The following RPA1 variants were observed in gnomAD, a reference collection of about 807,000 sequenced individuals.
RPA1 encodes the protein replication protein A 70 kDa DNA-binding subunit.
Under a neutral mutation model 83.0 loss-of-function variants are expected in RPA1, and 49 were observed. The ratio of observed to expected loss-of-function variants is 0.59; its 90% confidence interval spans 0.47 to 0.75. The LOEUF is 0.75. Ranked by LOEUF, RPA1 falls within the 30% of genes least tolerant of loss-of-function variation. The pLI is 0.00. For synonymous variants in RPA1, 279 were observed against 281.8 expected, an observed-to-expected ratio of 0.99 and a Z score of 0.10; for missense variants, 693 against 776.1, an observed-to-expected ratio of 0.89 and a Z score of 1.27.
At chr17:1,852,364 A>AT (rs1387137326) in intron 4 of RPA1, among the ~76,000 whole-genome samples, 1 of 152,340 alleles carries the variant, frequency 6.6e-6, no homozygotes, top group African/African-American at 2.4e-5. Flanking sequence ...TCAACTAGAG[A>AT]TTAAGGAAGT....
At chr17:1,875,889 C>T in intron 7 of RPA1, 96 bp downstream of exon 7, 1 of 1,129,912 alleles carries the variant, frequency 8.9e-7, no homozygotes, top group Non-Finnish European at 1.2e-6. Flanking sequence ...TTCAGGGTCA[C>T]CACCAAATAC....
intron 16 of RPA1, 132 bp downstream of exon 16, chr17:1,895,227 C>G (rs1914360414): frequency 3.3e-6 from 2 of 611,100 alleles, no homozygotes; most frequent in Middle Eastern, 4.4e-4. Context: ...TTGCCCAACA[C>G]AGGTGCTGTT....
intron 5 of RPA1, among the ~76,000 whole-genome samples, chr17:1,862,194 A>AT (rs57509401): frequency 0.028 from 2,558 of 92,794 alleles, 231 homozygotes; most frequent in African/African-American, 0.12. Context: ...CCCCAACCGT[A>AT]TTTTTTTTTT....
intron 1 of RPA1, among the ~76,000 whole-genome samples, chr17:1,838,550 C>T (rs1482410823): frequency 6.6e-6 from 1 of 150,752 alleles, no homozygotes; most frequent in East Asian, 2.0e-4. Flanking sequence ...TTGTGGTGAG[C>T]CAAGATCGCA....
chr17:1,889,061 A>G (rs1914107113), intron 14 of RPA1, among the ~76,000 whole-genome samples: 2 of 149,444 alleles, frequency 1.3e-5, no homozygotes, highest in South Asian at 4.3e-4. Flanking sequence ...CACGTCATAC[A>G]GCCATAGCGT....
At chr17:1,835,509 G>C (rs575473176) in intron 1 of RPA1, among the ~76,000 whole-genome samples, 109 of 151,964 alleles carry the variant, frequency 7.2e-4, no homozygotes, top group Non-Finnish European at 1.1e-3. Context: ...TTGGAGCATC[G>C]TCCCCATATA....
At position 1,895,032 on chromosome 17, in the gene RPA1, T is replaced by C. The variant is rs765679395; in HGVS notation, c.1683T>C (p.Val561=). The change falls in exon 16 of 17, where the codon GTT becomes GTC. Residue 561 remains valine (V), a synonymous_variant. Coordinates refer to ENST00000254719, the MANE Select transcript of RPA1 (RefSeq NM_002945.5). The part of the protein sequence containing the change: ...KDKNEQAFEE[V]FQNANFRSFI... ...AGAATGAACAGGCATTTGAAGAAGT[T>C]TTCCAGAATGCCAACTTCCGATCTT... 1.2e-6 allele frequency: 2 copies of C among 1,613,502 alleles called. No individual in the cohort carries two copies. Among genetic ancestry groups the C allele is most frequent in the Admixed American group, 3.3e-5 (2 of 59,974 alleles).
At chr17:1,859,938 G>A (rs1248339056) in intron 5 of RPA1, among the ~76,000 whole-genome samples, 15 of 152,012 alleles carry the variant, frequency 9.9e-5, no homozygotes, top group Non-Finnish European at 2.9e-5. Flanking sequence ...TCAGCCTCCT[G>A]AGTAGCTAGG....
chr17:1,834,917 A>G (rs1911756409), intron 1 of RPA1, among the ~76,000 whole-genome samples: 1 of 152,118 alleles, frequency 6.6e-6, no homozygotes, highest in South Asian at 2.1e-4. Context: ...GCTGGGGTGC[A>G]GAAGCACAAT....
chr17:1,897,073 C>T lies in RPA1; in HGVS notation c.1749C>T (p.Asp583=), dbSNP rs879302106. 21 of 1,567,296 alleles carry T rather than the reference C, an allele frequency of 1.3e-5. No homozygotes were observed. Among genetic ancestry groups the T allele is most frequent in the Admixed American group, 9.4e-5 (5 of 53,082 alleles). Residue 583 remains aspartate (D), a splice_region_variant and synonymous_variant, in exon 17 of 17, where the codon GAC becomes GAT. Coordinates refer to ENST00000254719, the MANE Select transcript of RPA1 (RefSeq NM_002945.5). ...RVRVKVETYN[D]ESRIKATVMD... is the part of the protein sequence containing the mutation. ...AAACTACTTCTCCCTTTTTGAAGGA[C>T]GAGTCTCGAATTAAGGCCACTGTGA...
At chr17:1,861,316 T>C (rs9894189) in intron 5 of RPA1, among the ~76,000 whole-genome samples, 95,004 of 151,942 alleles carry the variant, frequency 0.63, 30,152 homozygotes, top group Non-Finnish European at 0.69. Flanking sequence ...CTTGAGGCAC[T>C]GAGCTGGTGC....
chr17:1,878,221 T>C (rs1050889297), intron 8 of RPA1, among the ~76,000 whole-genome samples: 1 of 152,040 alleles, frequency 6.6e-6, no homozygotes, highest in African/African-American at 2.4e-5. Context: ...GGCGACAGAG[T>C]GAGACTCCAT....
At chr17:1,841,247 T>C (rs991137799) in intron 1 of RPA1, among the ~76,000 whole-genome samples, 5 of 152,220 alleles carry the variant, frequency 3.3e-5, no homozygotes, top group African/African-American at 1.2e-4. Flanking sequence ...TAGGATTTTC[T>C]ATGTAAACGA....
chr17:1,847,647 A>G (rs1244767310), intron 4 of RPA1, among the ~76,000 whole-genome samples: 1 of 152,216 alleles, frequency 6.6e-6, no homozygotes, highest in Non-Finnish European at 1.5e-5. Flanking sequence ...ATTTCTGAAT[A>G]ACAGATCATT....
intron 5 of RPA1, chr17:1,858,032 C>T (rs1912779537): frequency 1.6e-5 from 26 of 1,610,928 alleles, no homozygotes; most frequent in Non-Finnish European, 2.1e-5. Flanking sequence ...CTGGGAGCCT[C>T]CTTTCTTCAC....
rs1312916824 is a variant in RPA1 at position 1,895,026 on chromosome 17, A to G, written c.1677A>G (p.Glu559=). ...ELKDKNEQAF[E]EVFQNANFRS... is the part of the protein sequence containing the mutation. ...TTTTGCAGAATGAACAGGCATTTGA[A>G]GAAGTTTTCCAGAATGCCAACTTCC... Residue 559 remains glutamate (E), a synonymous_variant, in exon 16 of 17, where the codon GAA becomes GAG. Coordinates refer to ENST00000254719, the MANE Select transcript of RPA1 (RefSeq NM_002945.5). 5.0e-6 allele frequency: 8 copies of G among 1,613,456 alleles called. No individual in the cohort carries two copies. The Admixed American group carries it at 1.3e-4, about 27-fold the overall frequency.
Position 1,880,632 on chromosome 17 carries a change from G to A in RPA1, c.1182G>A (p.Leu394=). ...TCGGTGGACGGAGCCTCTCCGTGCT[G>A]TCTTCAAGCACTATCATTGCGAATC... The part of the protein sequence containing the change: ...SDFGGRSLSV[L]SSSTIIANPD... The change falls in exon 12 of 17, where the codon CTG becomes CTA. Residue 394 remains leucine (L), a synonymous_variant. Coordinates refer to ENST00000254719, the MANE Select transcript of RPA1 (RefSeq NM_002945.5). 3 of 1,614,058 alleles carry A rather than the reference G, an allele frequency of 1.9e-6. No homozygotes were observed. The highest frequency in any genetic ancestry group is 1.7e-5 in the Admixed American group (1 of 60,014).
Position 1,872,504 on chromosome 17 carries a change from G to T in RPA1, c.432G>T (p.Pro144=), listed in dbSNP as rs555485478. The change falls in exon 6 of 17, where the codon CCG becomes CCT. Residue 144 remains proline (P), a synonymous_variant. Transcript: ENST00000254719. ...CAGCAGCAAGCAGCAGGCCCCAGCC[G>T]CAGAATGGAAGCTCGGGAATGGGTG... ...ASPAASSRPQ[P]QNGSSGMGST... is the part of the protein sequence containing the mutation. The T allele has an allele frequency of 5.6e-6, 9 of 1,613,944 alleles. No homozygotes were observed. The South Asian group carries it at 9.9e-5, about 18-fold the overall frequency.
At chr17:1,846,070 T>C (rs543021287) in intron 4 of RPA1, among the ~76,000 whole-genome samples, 1 of 152,330 alleles carries the variant, frequency 6.6e-6, no homozygotes, top group South Asian at 2.1e-4. Flanking sequence ...TCTTTTTTCC[T>C]ACCTCTTTAT....
Sources: allele counts gnomAD v4.1 joint callset (sites outside exome capture counted in the v4.1 genomes callset), GRCh38; gene constraint gnomAD v4.1.1; transcripts MANE v1.5; gene names NCBI Gene and HGNC (gene_info 2026-07-23, HGNC 2026-07-21).